The following PRDM16 variants were observed in gnomAD, a reference collection of about 807,000 sequenced individuals.
The protein encoded by PRDM16 is histone-lysine N-methyltransferase PRDM16.
In PRDM16, 23 loss-of-function variants were observed where a neutral mutation model predicts 110.6. That is an observed-to-expected ratio of 0.21 (90% CI 0.15 to 0.29). The LOEUF is 0.29. Ranked by LOEUF, PRDM16 falls within the 10% of genes least tolerant of loss-of-function variation. The pLI is 1.00. For missense variants in PRDM16, 1,615 were observed against 1,794.3 expected (o/e 0.90, Z 1.81); for synonymous variants, 799 against 781.8 (o/e 1.02, Z -0.37).
chr1:3,146,416 C>T (rs1643653671), intron 1 of PRDM16, among the ~76,000 whole-genome samples: 1 of 152,268 alleles, frequency 6.6e-6, no homozygotes, highest in Non-Finnish European at 1.5e-5. Flanking sequence ...CCTTGCCATC[C>T]GTTGTCAAAG....
chr1:3,231,072 C>T (rs1457168326), intron 2 of PRDM16, among the ~76,000 whole-genome samples: 4 of 152,136 alleles, frequency 2.6e-5, no homozygotes, highest in South Asian at 2.1e-4. Context: ...GTGTCTCTGC[C>T]GTGGGCCGGG....
chr1:3,369,567 G>A (rs1642874930), intron 3 of PRDM16, among the ~76,000 whole-genome samples: 4 of 152,336 alleles, frequency 2.6e-5, no homozygotes, highest in South Asian at 2.1e-4. Flanking sequence ...TCCAGTTCAC[G>A]GGCCCTGGGG....
chr1:3,291,981 G>A (rs535716844), intron 3 of PRDM16, among the ~76,000 whole-genome samples: 63 of 152,354 alleles, frequency 4.1e-4, no homozygotes, highest in Admixed American at 2.7e-3. Flanking sequence ...GGGCCTACCC[G>A]GTGCCTGGCA....
intron 2 of PRDM16, among the ~76,000 whole-genome samples, chr1:3,235,199 C>T (rs1178937209): frequency 6.6e-6 from 1 of 152,218 alleles, no homozygotes; most frequent in Non-Finnish European, 1.5e-5. Context: ...CTTCTAGAAC[C>T]CAGGCCCTCG....
chr1:3,242,900 C>A (rs756905533), intron 2 of PRDM16, among the ~76,000 whole-genome samples: 3 of 152,236 alleles, frequency 2.0e-5, no homozygotes, highest in Non-Finnish European at 4.4e-5. Context: ...TATACTCGAC[C>A]GTGCATGGCC....
intron 2 of PRDM16, among the ~76,000 whole-genome samples, chr1:3,217,819 C>G (rs1569863589): frequency 1.3e-5 from 2 of 152,220 alleles, no homozygotes; most frequent in Non-Finnish European, 2.9e-5. Flanking sequence ...GCGCTCTTCC[C>G]CCTAGAAGTA....
chr1:3,088,434 G>A (rs549632579), intron 1 of PRDM16, among the ~76,000 whole-genome samples: 72 of 136,280 alleles, frequency 5.3e-4, no homozygotes, highest in Admixed American at 4.5e-3. Context: ...CTTGGGAGAT[G>A]CAGGGATTCT....
intron 2 of PRDM16, among the ~76,000 whole-genome samples, chr1:3,211,690 C>T (rs1337261729): frequency 1.3e-5 from 2 of 152,264 alleles, no homozygotes; most frequent in Non-Finnish European, 2.9e-5. Flanking sequence ...CTGCCCTGCA[C>T]AGCCCCTAAT....
intron 1 of PRDM16, among the ~76,000 whole-genome samples, chr1:3,180,922 A>G (rs1193784800): frequency 1.3e-5 from 2 of 148,174 alleles, no homozygotes; most frequent in Admixed American, 6.7e-5. Context: ...ACGCAGCCTT[A>G]CACACGCAGC....
chr1:3,079,040 C>T (rs1249781018), intron 1 of PRDM16, among the ~76,000 whole-genome samples: 4 of 152,264 alleles, frequency 2.6e-5, no homozygotes, highest in East Asian at 3.9e-4. Context: ...AGGGTGGCTG[C>T]GGTCCTCCCC....
At chr1:3,289,347 C>T (rs1281091844) in intron 3 of PRDM16, among the ~76,000 whole-genome samples, 2 of 152,190 alleles carry the variant, frequency 1.3e-5, no homozygotes, top group African/African-American at 4.8e-5. Context: ...CTCTGGTGTC[C>T]CGATGCCCGC....
intron 4 of PRDM16, chr1:3,394,417 C>T (rs1303231874): frequency 8.9e-6 from 4 of 447,266 alleles, no homozygotes; most frequent in Admixed American, 4.8e-5. Context: ...GGAGCGGAGC[C>T]GAGAAGCAGG....
chr1:3,229,848 C>T lies in PRDM16; in HGVS notation c.388-14239C>T, dbSNP rs74420891. 7.0e-3 allele frequency among the ~76,000 whole-genome samples: 1,071 copies of T among 152,304 alleles called. 14 individuals carry two copies. The highest frequency in any genetic ancestry group is 0.025 in the African/African-American group (1,041 of 41,556). On this transcript the variant is annotated intron_variant, in intron 2 of 16. Coordinates refer to ENST00000270722, the MANE Select transcript of PRDM16 (RefSeq NM_022114.4). ...CCCAGGCTCCATTCTCAGACACGGGCGGGAGGGAGAGTGGTTTGCTCTCTT... is the reference window on the plus strand; with the variant it reads ...CCCAGGCTCCATTCTCAGACACGGGTGGGAGGGAGAGTGGTTTGCTCTCTT...
intron 3 of PRDM16, among the ~76,000 whole-genome samples, chr1:3,274,572 T>C (rs1036274428): frequency 2.0e-5 from 3 of 152,248 alleles, no homozygotes; most frequent in Admixed American, 6.5e-5. Context: ...TTAGTGGCTT[T>C]AATCAGCCCT....
rs982958190 is a variant in PRDM16 at position 3,435,981 on chromosome 1, G to A, written c.*2170G>A. The A allele has an allele frequency of 3.5e-5, 8 of 230,428 alleles. No individual in the cohort carries two copies. Among genetic ancestry groups the A allele is most frequent in the South Asian group, 1.8e-4 (1 of 5,512 alleles). 14.3% of individuals were successfully genotyped at this position (230,428 alleles called of 1,614,324 possible). ...GCTGCCTGCAGAAGAGCCAGCTGGC[G>A]TGTCGGGAAGGATCCAGGATCTGCA... is the stretch of plus-strand genomic sequence containing the variant. On this transcript the variant is annotated 3_prime_UTR_variant, in exon 17 of 17. Coordinates refer to ENST00000270722, the MANE Select transcript of PRDM16 (RefSeq NM_022114.4).
intron 3 of PRDM16, among the ~76,000 whole-genome samples, chr1:3,320,257 G>T (rs2100450303): frequency 6.6e-6 from 1 of 152,346 alleles, no homozygotes; most frequent in South Asian, 2.1e-4. Flanking sequence ...AACCCTACAG[G>T]TTCCTAGGAA....
chr1:3,105,236 T>C (rs1642626944), intron 1 of PRDM16, among the ~76,000 whole-genome samples: 1 of 152,182 alleles, frequency 6.6e-6, no homozygotes, highest in Non-Finnish European at 1.5e-5. Context: ...ACCACTGTCC[T>C]GCCCACCAGC....
rs750344843 is a variant in PRDM16 at position 3,436,104 on chromosome 1, A to T, written c.*2293A>T. 1 of 230,426 alleles carries T rather than the reference A, an allele frequency of 4.3e-6. No homozygotes were observed. Among genetic ancestry groups the T allele is most frequent in the Non-Finnish European group, 8.6e-6 (1 of 116,338 alleles). The allele number at this position is 230,426 out of a possible 1,614,324, so 14.3% of individuals were successfully genotyped here. ...GAATTTCCAGTTTCCCTTGATCTAG[A>T]TGGGATTCTTATAAAAATTCAACCT... On this transcript the variant is annotated 3_prime_UTR_variant, in exon 17 of 17. Transcript: ENST00000270722.
chr1:3,232,996 A>G (rs1639450968), intron 2 of PRDM16, among the ~76,000 whole-genome samples: 1 of 152,268 alleles, frequency 6.6e-6, no homozygotes, highest in South Asian at 2.1e-4. Flanking sequence ...GTGCATTCAT[A>G]TGATTCTGTC....
Sources: allele counts gnomAD v4.1 joint callset (sites outside exome capture counted in the v4.1 genomes callset), GRCh38; gene constraint gnomAD v4.1.1; transcripts MANE v1.5; gene names NCBI Gene and HGNC (gene_info 2026-07-23, HGNC 2026-07-21).